The following CRIM1 variants were observed in gnomAD, a reference collection of about 807,000 sequenced individuals.
CRIM1 encodes cysteine rich transmembrane BMP regulator 1.
In CRIM1, 32 loss-of-function variants were observed where a neutral mutation model predicts 116.4. That is an observed-to-expected ratio of 0.27 (90% CI 0.21 to 0.37). The LOEUF is 0.37. Among genes scored for constraint, CRIM1 ranks in the 10% least tolerant of loss-of-function variants. The pLI, the probability that CRIM1 is intolerant of heterozygous loss-of-function variation, is 1.00. For missense variants in CRIM1, 1,331 were observed against 1,354.8 expected, an observed-to-expected ratio of 0.98 and a Z score of 0.28; for synonymous variants, 590 against 509.2, an observed-to-expected ratio of 1.16 and a Z score of -2.13.
chr2:36,390,721 G>A (rs1671509605), intron 1 of CRIM1, among the ~76,000 whole-genome samples: 1 of 152,050 alleles, frequency 6.6e-6, no homozygotes. Context: ...ACTAAAGAAA[G>A]GAATTTAAGC....
chr2:36,391,520 T>C (rs1211966985), intron 1 of CRIM1, among the ~76,000 whole-genome samples: 1 of 152,168 alleles, frequency 6.6e-6, no homozygotes, highest in African/African-American at 2.4e-5. Flanking sequence ...TTTTCCTATT[T>C]ACCAGTTACA....
intron 13 of CRIM1, chr2:36,531,834 A>G (rs1312691732): frequency 4.3e-6 from 2 of 463,592 alleles, no homozygotes; most frequent in African/African-American, 2.0e-5. Context: ...TATTGTAATC[A>G]TATGTGATGC....
chr2:36,546,272 C>T (rs1039696567), intron 15 of CRIM1, among the ~76,000 whole-genome samples: 1 of 152,048 alleles, frequency 6.6e-6, no homozygotes, highest in Non-Finnish European at 1.5e-5. Flanking sequence ...TGTGTTTAAC[C>T]TTATTTTTGT....
chr2:36,463,944 C>T (rs1284713792), intron 4 of CRIM1, among the ~76,000 whole-genome samples: 1 of 152,182 alleles, frequency 6.6e-6, no homozygotes, highest in East Asian at 1.9e-4. Context: ...CCTCAGTCTT[C>T]AGTCCGTTTC....
intron 8 of CRIM1, among the ~76,000 whole-genome samples, chr2:36,504,717 G>A (rs711249): frequency 0.41 from 62,366 of 152,104 alleles, 15,899 homozygotes; most frequent in African/African-American, 0.71. Flanking sequence ...CTAACACTTT[G>A]TAGATACAAG....
rs576717381 is a variant in CRIM1, at chr2:36,549,790, A to C, written c.*1089A>C. 3 of 152,126 alleles carry C rather than the reference A, an allele frequency of 2.0e-5. No homozygotes were observed. In the South Asian group the frequency reaches 6.2e-4, roughly 32 times the overall value. 9.4% of individuals were successfully genotyped at this position (152,126 alleles called of 1,614,324 possible). A position where few individuals can be genotyped will look rare whatever the true frequency, so the allele number is the denominator to read the frequency against. On this transcript the variant is annotated 3_prime_UTR_variant, in exon 17 of 17. Coordinates refer to ENST00000280527, the MANE Select transcript of CRIM1 (RefSeq NM_016441.3). ...TAGCAATTATAGGAGTATTTATGTA[A>C]CTATCTTATGCTTCAAAAAACAAAA...
chr2:36,494,364 A>G (rs1680437740), intron 7 of CRIM1, among the ~76,000 whole-genome samples: 1 of 152,194 alleles, frequency 6.6e-6, no homozygotes, highest in Admixed American at 6.6e-5. Flanking sequence ...TTTACTGACA[A>G]GACATCTGTT....
In CRIM1 at chr2:36,397,569, A is replaced by G. The variant is rs867062171; in HGVS notation, c.505+782A>G. The stretch of plus-strand genomic sequence containing the variant: ...GAGGGAAAAAAGTACTGAAAGAGGC[A>G]TTCTTAAATATACCTCTTATCTCTA... On this transcript the variant is annotated intron_variant, in intron 2 of 16. Coordinates refer to ENST00000280527, the MANE Select transcript of CRIM1 (RefSeq NM_016441.3). Among the ~76,000 whole-genome samples, 3 of 152,224 alleles carry G rather than the reference A, an allele frequency of 2.0e-5. No individual in the cohort carries two copies. In the East Asian group the frequency reaches 5.8e-4, roughly 30 times the overall value.
At chr2:36,487,559 T>TAA (rs34362565) in intron 7 of CRIM1, among the ~76,000 whole-genome samples, 41,579 of 145,528 alleles carry the variant, frequency 0.29, 6,118 homozygotes, top group South Asian at 0.42. Flanking sequence ...AAGTCTGGTT[T>TAA]AAAAAAAAAA....
chr2:36,414,696 A>T (rs1673468041), intron 2 of CRIM1, among the ~76,000 whole-genome samples: 1 of 152,318 alleles, frequency 6.6e-6, no homozygotes, highest in South Asian at 2.1e-4. Flanking sequence ...GACAGAGTGA[A>T]CTTGCCCATG....
intron 5 of CRIM1, among the ~76,000 whole-genome samples, chr2:36,470,308 AT>A (rs1284567239): frequency 1.3e-5 from 2 of 152,190 alleles, no homozygotes; most frequent in African/African-American, 4.8e-5. Context: ...TATCTAGAAG[AT>A]TTAGCTATGA....
At position 36,476,997 on chromosome 2, in the gene CRIM1, T is replaced by C. The variant is rs1679031649; in HGVS notation, c.1100T>C (p.Phe367Ser). 1 of 1,614,018 alleles carries C rather than the reference T, an allele frequency of 6.2e-7. No homozygotes were observed. The highest frequency in any genetic ancestry group is 1.3e-5 in the African/African-American group (1 of 74,940). The change falls in exon 6 of 17, where the codon TTC becomes TCC. Residue 367 changes from phenylalanine (F) to serine (S), a missense_variant. Physicochemically the swap from Phe to Ser is radical, Grantham distance 155 (BLOSUM62 -2). Transcript: ENST00000280527. ...CRCQGGVAICFTAQCGEINCE... is the reference protein window; with the variant it reads ...CRCQGGVAICSTAQCGEINCE... ...TGCCAAGGGGGCGTTGCCATCTGCT[T>C]CACCGCCCAGTGTGGTGAGATAAAC...
intron 1 of CRIM1, among the ~76,000 whole-genome samples, chr2:36,383,621 G>A (rs1309052235): frequency 6.6e-6 from 1 of 152,164 alleles, no homozygotes; most frequent in Non-Finnish European, 1.5e-5. Context: ...ATAGAAATGA[G>A]GGAAGCAGTT....
intron 4 of CRIM1, among the ~76,000 whole-genome samples, chr2:36,459,921 A>C (rs1191091058): frequency 6.6e-6 from 1 of 152,108 alleles, no homozygotes. Context: ...CCTGCCTGGG[A>C]TTGTCTGTGA....
intron 13 of CRIM1, chr2:36,529,403 TAAGTCCTA>T (rs1394396860): frequency 4.3e-6 from 1 of 230,444 alleles, no homozygotes; most frequent in African/African-American, 2.2e-5. Flanking sequence ...TTGCTTCTTT[TAAGTCCTA>T]AAAGAAGTTG....
Position 36,356,514 on chromosome 2 carries a change from C to T in CRIM1, c.222C>T (p.Cys74=). Residue 74 remains cysteine, a synonymous_variant, in exon 1 of 17, where the codon TGC becomes TGT. Coordinates refer to ENST00000280527, the MANE Select transcript of CRIM1 (RefSeq NM_016441.3). The surrounding 1 kb of genome is among the most constrained non-coding windows in gnomAD (Gnocchi z 4.3). ...YTCASQRNES[C]GGTFGIYGTC... Reference sequence around the variant, plus strand: ...GCGCCAGCCAGAGGAACGAGAGCTGCGGCGGCACCTTCGGGATTTACGGAA... The same window carrying T: ...GCGCCAGCCAGAGGAACGAGAGCTGTGGCGGCACCTTCGGGATTTACGGAA... The T allele has an allele frequency of 6.2e-7, 1 of 1,612,948 alleles. No individual in the cohort carries two copies. The highest frequency in any genetic ancestry group is 8.5e-7 in the Non-Finnish European group (1 of 1,179,872).
chr2:36,363,529 G>GAC (rs1669375377), intron 1 of CRIM1, among the ~76,000 whole-genome samples: 1 of 77,776 alleles, frequency 1.3e-5, no homozygotes, highest in Non-Finnish European at 3.2e-5. Flanking sequence ...AGTCGTCGCC[G>GAC]CCCCCCCCCC....
At position 36,498,121 on chromosome 2, in the gene CRIM1, G is replaced by T. The variant is rs142058267; in HGVS notation, c.1373-1098G>T. Among the ~76,000 whole-genome samples the T allele has an allele frequency of 2.4e-3, 370 of 152,286 alleles. 2 individuals are homozygous for T. In the Middle Eastern group the frequency reaches 0.037, roughly 15 times the overall value. ...GTGAGCAACAGCTTACTTTGAAGAC[G>T]TTAGTATATTTTTGTTGAAAAGATG... On this transcript the variant is annotated intron_variant, in intron 7 of 16. Coordinates refer to ENST00000280527, the MANE Select transcript of CRIM1 (RefSeq NM_016441.3).
In CRIM1 at chr2:36,513,366, C is replaced by A. The variant is rs191961855; in HGVS notation, c.1781-190C>A. ...AGAGAAACTATTTGCCGGTTTTTTT[C>A]TCTCTTTTCTTTTTTCAAGATTGAG... is the stretch of plus-strand genomic sequence containing the variant. On this transcript the variant is annotated intron_variant, in intron 10 of 16. Transcript: ENST00000280527. The A allele has an allele frequency of 3.3e-3, 1,827 of 559,330 alleles. 31 individuals carry two copies. The highest frequency in any genetic ancestry group is 0.022 in the South Asian group (846 of 38,522). The allele number at this position is 559,330 out of a possible 1,614,324, so 34.6% of individuals were successfully genotyped here. A position where few individuals can be genotyped will look rare whatever the true frequency, so the allele number is the denominator to read the frequency against.
Sources: gnomAD v4.1 joint callset for allele counts (sites outside exome capture counted in the v4.1 genomes callset) on GRCh38, gnomAD v4.1.1 for gene constraint, Gnocchi (gnomAD v3.1) non-coding constraint, MANE v1.5 for transcripts, NCBI Gene and HGNC (gene_info 2026-07-23, HGNC 2026-07-21) for gene names.